NUP133: variants seen among roughly 807,000 people sequenced by gnomAD.
The protein encoded by NUP133 is nuclear pore complex protein Nup133.
A neutral mutation model predicts 146.2 loss-of-function variants in NUP133; 66 were observed. The observed-to-expected ratio is 0.45, with a 90% CI of 0.37 to 0.55. The LOEUF is 0.55. Among genes scored for constraint, NUP133 ranks in the 20% least tolerant of loss-of-function variants. The pLI, the probability that NUP133 is intolerant of heterozygous loss-of-function variation, is 0.00. For missense variants in NUP133, 1,277 were observed against 1,374.8 expected, an observed-to-expected ratio of 0.93 and a Z score of 1.12; for synonymous variants, 521 against 498.8, an observed-to-expected ratio of 1.04 and a Z score of -0.59.
chr1:229,450,427 T>C (rs1660421505), intron 23 of NUP133, 98 bp downstream of exon 23: 2 of 588,712 alleles, frequency 3.4e-6, no homozygotes, highest in East Asian at 2.9e-5. Flanking sequence ...TACAGTCTTT[T>C]TTGCTTAATT....
At chr1:229,498,577 G>A (rs977892095) in intron 5 of NUP133, among the ~76,000 whole-genome samples, 2 of 152,208 alleles carry the variant, frequency 1.3e-5, no homozygotes, top group South Asian at 4.2e-4. Context: ...AAGGCGGGGT[G>A]AAACCCCGTC....
In NUP133 at chr1:229,449,129, T is replaced by G. The variant is rs1310510707; in HGVS notation, c.3242A>C (p.Asp1081Ala). 3 of 1,611,670 alleles carry G rather than the reference T, an allele frequency of 1.9e-6. No individual in the cohort carries two copies. The highest frequency in any genetic ancestry group is 2.5e-6 in the Non-Finnish European group (3 of 1,177,866). ...LEILCKALQRDNWSSSDGKDD... is the reference protein window; with the variant it reads ...LEILCKALQRANWSSSDGKDD... ...AAGCAATGCCACGAGCACTTACTTA[T>G]CTCTCTGAAGAGCTTTGCAAAGGAT... Residue 1081 changes from aspartate to alanine, a missense_variant, in exon 24 of 26, where the codon GAT (aspartate) becomes GCT (alanine). By Grantham distance (126) the Asp-to-Ala change is moderately radical. This residue lies in a region of NUP133 where 952 missense variants were observed against 1,047.0 expected (regional missense o/e 0.91). Coordinates refer to ENST00000261396, the MANE Select transcript of NUP133 (RefSeq NM_018230.3).
At chr1:229,468,450 GA>G (rs1376548020) in intron 15 of NUP133, among the ~76,000 whole-genome samples, 2 of 152,178 alleles carry the variant, frequency 1.3e-5, no homozygotes, top group African/African-American at 4.8e-5. Flanking sequence ...AACATCATGA[GA>G]AATGAAGATA....
chr1:229,450,482 A>G, intron 23 of NUP133, 43 bp downstream of exon 23: 2 of 988,054 alleles, frequency 2.0e-6, no homozygotes, highest in South Asian at 1.5e-5. Flanking sequence ...CTTTTTATAT[A>G]TGTATTCAGT....
intron 13 of NUP133, among the ~76,000 whole-genome samples, chr1:229,476,630 TG>T (rs1406206962): frequency 6.6e-6 from 1 of 152,098 alleles, no homozygotes; most frequent in Non-Finnish European, 1.5e-5. Flanking sequence ...TCATTTAATT[TG>T]GGGGTAAGTA....
intron 14 of NUP133, among the ~76,000 whole-genome samples, chr1:229,472,726 A>ATATATATATATATATATATATATATATG (rs1660989140): frequency 6.8e-6 from 1 of 147,816 alleles, no homozygotes; most frequent in Non-Finnish European, 1.5e-5. Context: ...ATATATATAT[A>ATATATATATATATATATATATATATATG]TGTACAATCA....
At chr1:229,479,160 C>T (rs1385398404) in intron 12 of NUP133, among the ~76,000 whole-genome samples, 1 of 152,076 alleles carries the variant, frequency 6.6e-6, no homozygotes, top group Non-Finnish European at 1.5e-5. Flanking sequence ...GTTACAGGAC[C>T]CCCAACATAC....
chr1:229,505,923 C>G, intron 2 of NUP133, 117 bp downstream of exon 2: 1 of 635,422 alleles, frequency 1.6e-6, no homozygotes, highest in Non-Finnish European at 2.8e-6. Flanking sequence ...AGACAGGCCA[C>G]CCATCTCTCA....
In NUP133 at chr1:229,476,928, C is replaced by CAAAAAAA. The variant is rs745478707; in HGVS notation, c.1756+662_1756+668dup. Among the ~76,000 whole-genome samples the CAAAAAAA allele has an allele frequency of 1.9e-3, 134 of 72,394 alleles. 2 individuals carry two copies. Among genetic ancestry groups the CAAAAAAA allele is most frequent in the African/African-American group, 5.4e-3 (110 of 20,536 alleles). 47.5% of individuals were successfully genotyped at this position (72,394 alleles called of 152,430 possible). ...GACAAAGTAAGGGAGACCCTGTTTCCAAAAAAAAAAAACAAAAAAAAAAAC... is the reference window on the plus strand; with the variant it reads ...GACAAAGTAAGGGAGACCCTGTTTCCAAAAAAAAAAAAAAAAAAACAAAAAAAAAAAC... On this transcript the variant is annotated intron_variant, in intron 13 of 25. Transcript: ENST00000261396.
chr1:229,498,345 C>G (rs747885288), intron 5 of NUP133, 39 bp from the exon 6 acceptor site: 9 of 1,389,948 alleles, frequency 6.5e-6, no homozygotes, highest in Non-Finnish European at 8.7e-6. Context: ...AGTTTAGCAT[C>G]GAATGCTAAG....
chr1:229,508,318 G>C lies in NUP133; in HGVS notation c.-69C>G. 5 of 1,195,810 alleles carry C rather than the reference G, an allele frequency of 4.2e-6. No individual in the cohort carries two copies. The highest frequency in any genetic ancestry group is 5.5e-6 in the Non-Finnish European group (5 of 902,044). The allele number at this position is 1,195,810 out of a possible 1,614,324, so 74.1% of individuals were successfully genotyped here. On this transcript the variant is annotated 5_prime_UTR_variant, in exon 1 of 26. Transcript: ENST00000261396. ...CAGGTTGCAGCCTGGCCTGCGCGCG[G>C]AACTTAAACACCTAAGGGAAGAGAT...
chr1:229,472,546 G>A (rs1208323732), intron 14 of NUP133, among the ~76,000 whole-genome samples: 1 of 151,308 alleles, frequency 6.6e-6, no homozygotes, highest in African/African-American at 2.4e-5. Context: ...AGCTGATTTG[G>A]TGGCACATGC....
At chr1:229,457,218 CAG>C (rs1337073749) in intron 21 of NUP133, among the ~76,000 whole-genome samples, 1 of 152,124 alleles carries the variant, frequency 6.6e-6, no homozygotes, top group Non-Finnish European at 1.5e-5. Context: ...GTAATGATCA[CAG>C]GGTAATTAGC....
At chr1:229,494,411 G>T (rs543281336) in intron 8 of NUP133, among the ~76,000 whole-genome samples, 1 of 152,166 alleles carries the variant, frequency 6.6e-6, no homozygotes, top group South Asian at 2.1e-4. Context: ...TCCCTCCAAG[G>T]AACACGTAGA....
intron 13 of NUP133, among the ~76,000 whole-genome samples, chr1:229,477,079 C>G (rs1571924134): frequency 2.6e-5 from 4 of 152,134 alleles, no homozygotes; most frequent in African/African-American, 9.6e-5. Context: ...GGATTTGCTC[C>G]AATGTTCCTT....
At chr1:229,507,180 C>A (rs1237976772) in intron 1 of NUP133, among the ~76,000 whole-genome samples, 1 of 152,158 alleles carries the variant, frequency 6.6e-6, no homozygotes, top group Non-Finnish European at 1.5e-5. Context: ...ATAGAAAACA[C>A]TGACAAGATC....
rs1424415387 is a variant in NUP133 at position 229,445,846 on chromosome 1, C to T, written c.3246-844G>A. On this transcript the variant is annotated intron_variant, in intron 24 of 25. Coordinates refer to ENST00000261396, the MANE Select transcript of NUP133 (RefSeq NM_018230.3). The stretch of plus-strand genomic sequence containing the variant: ...GACTGACCTCTAAGACTAAACTTAA[C>T]AGCAATTTTAACTATTTTGGAATGA... Among the ~76,000 whole-genome samples, 3 of 152,234 alleles carry T rather than the reference C, an allele frequency of 2.0e-5. No individual in the cohort carries two copies. In the South Asian group the frequency reaches 6.2e-4, roughly 32 times the overall value.
intron 12 of NUP133, among the ~76,000 whole-genome samples, chr1:229,482,182 C>T (rs1661228810): frequency 6.6e-6 from 1 of 152,082 alleles, no homozygotes; most frequent in African/African-American, 2.4e-5. Flanking sequence ...CTTCTGGTGA[C>T]AAACTAAGCT....
chr1:229,481,149 A>C (rs1661201743), intron 12 of NUP133, among the ~76,000 whole-genome samples: 1 of 152,122 alleles, frequency 6.6e-6, no homozygotes, highest in African/African-American at 2.4e-5. Flanking sequence ...GGGCAGGATG[A>C]GTTCAGCACA....
Sources: gnomAD v4.1 joint callset for allele counts (sites outside exome capture counted in the v4.1 genomes callset) on GRCh38, gnomAD v4.1.1 for gene constraint, gnomAD v4.1.1 regional missense constraint, MANE v1.5 for transcripts, NCBI Gene and HGNC (gene_info 2026-07-23, HGNC 2026-07-21) for gene names.